FAT3: variants seen among roughly 807,000 people sequenced by gnomAD.
FAT3 encodes the protein protocadherin Fat 3.
A neutral mutation model predicts 310.2 loss-of-function variants in FAT3; 95 were observed. The observed-to-expected ratio is 0.31, with a 90% CI of 0.26 to 0.36. FAT3 has a LOEUF of 0.36. Ranked by LOEUF, FAT3 falls within the 10% of genes least tolerant of loss-of-function variation. The pLI is 1.00. For synonymous variants in FAT3, 2,314 were observed against 2,192.9 expected (o/e 1.06, Z -1.54); for missense variants, 5,408 against 5,715.6 (o/e 0.95, Z 1.74).
At chr11:92,357,465 T>C (rs1451592268) in intron 2 of FAT3, among the ~76,000 whole-genome samples, 1 of 152,176 alleles carries the variant, frequency 6.6e-6, no homozygotes, top group Non-Finnish European at 1.5e-5. Context: ...ATTAAACAGG[T>C]TTCAAAATCC....
At chr11:92,360,371 A>G (rs80089876) in intron 2 of FAT3, among the ~76,000 whole-genome samples, 10,077 of 152,286 alleles carry the variant, frequency 0.066, 1,109 homozygotes, top group African/African-American at 0.22. Context: ...GTTCACAGTA[A>G]ATGGATTAAA....
intron 3 of FAT3, among the ~76,000 whole-genome samples, chr11:92,678,450 A>C (rs1301701170): frequency 6.6e-6 from 1 of 152,124 alleles, no homozygotes; most frequent in African/African-American, 2.4e-5. Context: ...AGCCTCATTA[A>C]TTAGCATCAA....
At position 92,335,703 on chromosome 11, in the gene FAT3, G is replaced by T. The variant is rs57137824; in HGVS notation, c.-17-16393G>T. ...AGTATATGCACTTTTTTTTGCAGTT[G>T]TAGGTTAGTGGTTTTGAGGTGGCCC... On this transcript the variant is annotated intron_variant, in intron 1 of 27. Coordinates refer to ENST00000525166, the MANE Select transcript of FAT3 (RefSeq NM_001367949.2). Among the ~76,000 whole-genome samples the T allele has an allele frequency of 8.5e-3, 1,295 of 152,106 alleles. 13 individuals are homozygous for T. The highest frequency in any genetic ancestry group is 0.03 in the African/African-American group (1,253 of 41,504).
intron 9 of FAT3, among the ~76,000 whole-genome samples, chr11:92,796,595 A>G (rs1947179877): frequency 6.6e-6 from 1 of 152,192 alleles, no homozygotes; most frequent in Non-Finnish European, 1.5e-5. Context: ...TCAGAAAGAA[A>G]AGTCCAGATA....
intron 3 of FAT3, among the ~76,000 whole-genome samples, chr11:92,629,693 G>A (rs1202823211): frequency 6.6e-6 from 1 of 152,086 alleles, no homozygotes; most frequent in Non-Finnish European, 1.5e-5. Flanking sequence ...TTATAGGTGT[G>A]AGCCAATGTG....
At chr11:92,229,376 T>G (rs898188050) in intron 1 of FAT3, among the ~76,000 whole-genome samples, 8 of 148,712 alleles carry the variant, frequency 5.4e-5, no homozygotes, top group African/African-American at 2.0e-4. Flanking sequence ...TTCTGTGTTT[T>G]GGTCGATTTA....
chr11:92,486,669 C>G (rs1387486596), intron 2 of FAT3, among the ~76,000 whole-genome samples: 1 of 152,072 alleles, frequency 6.6e-6, no homozygotes, highest in East Asian at 1.9e-4. Flanking sequence ...GACATTTCCT[C>G]ATGTTTTTCT....
intron 6 of FAT3, among the ~76,000 whole-genome samples, chr11:92,771,097 G>A (rs1212698446): frequency 6.6e-6 from 1 of 152,096 alleles, no homozygotes; most frequent in African/African-American, 2.4e-5. Flanking sequence ...CTCAGGCTGT[G>A]GCTTTTCTAA....
intron 17 of FAT3, among the ~76,000 whole-genome samples, chr11:92,838,539 A>T (rs1360519043): frequency 6.6e-6 from 1 of 152,118 alleles, no homozygotes; most frequent in African/African-American, 2.4e-5. Context: ...CTTTAGGAGG[A>T]TCAGGAAATC....
intron 2 of FAT3, among the ~76,000 whole-genome samples, chr11:92,508,179 G>A (rs1397005945): frequency 6.6e-6 from 1 of 152,082 alleles, no homozygotes; most frequent in Admixed American, 6.6e-5. Context: ...TACCTAGAAT[G>A]TGTTTTCCAG....
rs1226273286 is a variant in FAT3, at chr11:92,501,917, A to G, written c.3293-22717A>G. On this transcript the variant is annotated intron_variant, in intron 2 of 27. Coordinates refer to ENST00000525166, the MANE Select transcript of FAT3 (RefSeq NM_001367949.2). ...TGATGTACTAAAAGGAGAGGATGCCATGCTTATGAACTCGAGGAGTTCACA... is the reference window on the plus strand; with the variant it reads ...TGATGTACTAAAAGGAGAGGATGCCGTGCTTATGAACTCGAGGAGTTCACA... Among the ~76,000 whole-genome samples the G allele has an allele frequency of 2.0e-5, 3 of 151,992 alleles. No homozygotes were observed. The East Asian group carries it at 5.8e-4, about 30-fold the overall frequency.
Position 92,288,559 on chromosome 11 carries a change from CT to C in FAT3, c.-18+63386del, listed in dbSNP as rs1378014027. 2.6e-5 allele frequency among the ~76,000 whole-genome samples: 4 copies of C among 152,098 alleles called. No homozygotes were observed. The East Asian group carries it at 7.8e-4, about 29-fold the overall frequency. On this transcript the variant is annotated intron_variant, in intron 1 of 27. Coordinates refer to ENST00000525166, the MANE Select transcript of FAT3 (RefSeq NM_001367949.2). The stretch of plus-strand genomic sequence containing the variant: ...TATGCCTTTCCTCATCTTAAATCCT[CT>C]CCTGGAATACGGCAGTGTGTAAATA...
At chr11:92,349,626 T>C (rs1007335456) in intron 1 of FAT3, among the ~76,000 whole-genome samples, 1 of 152,192 alleles carries the variant, frequency 6.6e-6, no homozygotes, top group Non-Finnish European at 1.5e-5. Context: ...TCTAGGAACT[T>C]ACTGAGCAGG....
At chr11:92,649,752 T>C (rs1942299075) in intron 3 of FAT3, among the ~76,000 whole-genome samples, 1 of 151,994 alleles carries the variant, frequency 6.6e-6, no homozygotes, top group South Asian at 2.1e-4. Flanking sequence ...TACGTTCTTA[T>C]GTCAGCGATC....
chr11:92,330,952 G>T (rs548814932), intron 1 of FAT3, among the ~76,000 whole-genome samples: 1 of 150,940 alleles, frequency 6.6e-6, no homozygotes, highest in East Asian at 2.0e-4. Flanking sequence ...TAGGGAAATT[G>T]ACAGGAGTAA....
chr11:92,420,302 G>A lies in FAT3; in HGVS notation c.3292+64898G>A, dbSNP rs531422685. Among the ~76,000 whole-genome samples, 16 of 152,310 alleles carry A rather than the reference G, an allele frequency of 1.1e-4. No individual in the cohort carries two copies. In the South Asian group the frequency reaches 2.7e-3, roughly 26 times the overall value. On this transcript the variant is annotated intron_variant, in intron 2 of 27. Transcript: ENST00000525166. ...TAATTATAAATCATAAATGGAAAAG[G>A]TCTTTTTGATAAGTCCATACATCAT...
intron 2 of FAT3, among the ~76,000 whole-genome samples, chr11:92,428,922 C>A (rs1363593343): frequency 6.6e-6 from 1 of 152,108 alleles, no homozygotes; most frequent in East Asian, 1.9e-4. Flanking sequence ...GAGTTCAAGT[C>A]CTGAATATCC....
chr11:92,545,685 G>C (rs1442714452), intron 3 of FAT3, among the ~76,000 whole-genome samples: 3 of 152,150 alleles, frequency 2.0e-5, no homozygotes, highest in Non-Finnish European at 4.4e-5. Context: ...GGTAGAAAAG[G>C]CAAGGCACTC....
intron 3 of FAT3, among the ~76,000 whole-genome samples, chr11:92,636,443 T>G (rs1325723283): frequency 6.6e-6 from 1 of 152,180 alleles, no homozygotes; most frequent in Non-Finnish European, 1.5e-5. Context: ...GAAATTACAT[T>G]CCTTTCAGTT....
Sources: allele counts gnomAD v4.1 joint callset (sites outside exome capture counted in the v4.1 genomes callset), GRCh38; gene constraint gnomAD v4.1.1; transcripts MANE v1.5; gene names NCBI Gene and HGNC (gene_info 2026-07-23, HGNC 2026-07-21).